Variants in DIAPH3 observed in about 807,000 individuals in gnomAD.
DIAPH3 encodes protein diaphanous homolog 3.
A neutral mutation model predicts 144.3 loss-of-function variants in DIAPH3; 117 were observed. The observed-to-expected ratio is 0.81, with a 90% CI of 0.70 to 0.95. The LOEUF is 0.95. DIAPH3 is among the 40% of genes least tolerant of loss of function. The probability of loss-of-function intolerance (pLI) is 0.00; values close to 1 mark genes in which losing one functional copy is unlikely to be tolerated. For synonymous variants in DIAPH3, 519 were observed against 488.9 expected, an observed-to-expected ratio of 1.06 and a Z score of -0.81; for missense variants, 1,421 against 1,412.7, an observed-to-expected ratio of 1.01 and a Z score of -0.09.
intron 2 of DIAPH3, among the ~76,000 whole-genome samples, chr13:60,117,099 C>T (rs1424328960): frequency 6.6e-6 from 1 of 151,970 alleles, no homozygotes; most frequent in Non-Finnish European, 1.5e-5. Context: ...TAAAACTGTA[C>T]TTGTATCAAT....
chr13:59,980,969 A>G, intron 13 of DIAPH3, 110 bp from the exon 14 acceptor site: 1 of 820,372 alleles, frequency 1.2e-6, no homozygotes, highest in East Asian at 2.6e-5. Context: ...TACTGATACT[A>G]CCAGTAATAA....
At position 60,135,776 on chromosome 13, in the gene DIAPH3, G is replaced by A. The variant is rs568235150; in HGVS notation, c.181-2787C>T. Among the ~76,000 whole-genome samples, 188 of 152,244 alleles carry A rather than the reference G, an allele frequency of 1.2e-3. 2 individuals carry two copies. The highest frequency in any genetic ancestry group is 2.2e-3 in the Non-Finnish European group (149 of 68,008). ...AGATTACATAGTTATGTACACACAT[G>A]CAATCTTAAACCACTAAAGATAGGC... On this transcript the variant is annotated intron_variant, in intron 1 of 27. Transcript: ENST00000400324.
At chr13:59,932,900 C>CA (rs1305679333) in intron 17 of DIAPH3, among the ~76,000 whole-genome samples, 1 of 152,050 alleles carries the variant, frequency 6.6e-6, no homozygotes, top group Non-Finnish European at 1.5e-5. Flanking sequence ...GTCTATTATA[C>CA]AAAAAGATTG....
chr13:59,720,900 A>C (rs1314809108), intron 27 of DIAPH3, among the ~76,000 whole-genome samples: 8 of 152,164 alleles, frequency 5.3e-5, no homozygotes, highest in Non-Finnish European at 1.2e-4. Context: ...ATAATCCCCA[A>C]GTGAAAGTTT....
chr13:59,863,178 A>C (rs902242481), intron 21 of DIAPH3, among the ~76,000 whole-genome samples: 3 of 152,154 alleles, frequency 2.0e-5, no homozygotes, highest in African/African-American at 7.2e-5. Context: ...GTTGGGATAG[A>C]AAGTATTGGC....
intron 4 of DIAPH3, among the ~76,000 whole-genome samples, chr13:60,075,047 C>G (rs995198891): frequency 6.6e-6 from 1 of 152,116 alleles, no homozygotes; most frequent in Non-Finnish European, 1.5e-5. Flanking sequence ...TTGATAGATA[C>G]TGACAAATTA....
chr13:59,777,735 A>C (rs1031040161), intron 25 of DIAPH3, among the ~76,000 whole-genome samples: 12 of 152,192 alleles, frequency 7.9e-5, no homozygotes, highest in African/African-American at 2.9e-4. Context: ...AGTAAGGGAC[A>C]TTCTGTGACA....
At chr13:60,120,828 A>C (rs2058826961) in intron 2 of DIAPH3, among the ~76,000 whole-genome samples, 2 of 152,208 alleles carry the variant, frequency 1.3e-5, no homozygotes, top group South Asian at 4.1e-4. Context: ...AATCTCATGA[A>C]AGACCTCAAA....
At chr13:59,896,032 C>T (rs1391307584) in intron 20 of DIAPH3, among the ~76,000 whole-genome samples, 1 of 152,106 alleles carries the variant, frequency 6.6e-6, no homozygotes, top group African/African-American at 2.4e-5. Flanking sequence ...AATTCTTTGC[C>T]AATATATCAA....
chr13:59,852,099 CT>C (rs2043009437), intron 22 of DIAPH3, among the ~76,000 whole-genome samples: 1 of 152,140 alleles, frequency 6.6e-6, no homozygotes, highest in Non-Finnish European at 1.5e-5. Context: ...TTAACACTAG[CT>C]CTTTTTTCCA....
chr13:59,747,326 A>G (rs1486057026), intron 27 of DIAPH3, among the ~76,000 whole-genome samples: 4 of 152,174 alleles, frequency 2.6e-5, no homozygotes, highest in Non-Finnish European at 5.9e-5. Context: ...CTTTCAATAA[A>G]TATTTATGTG....
intron 27 of DIAPH3, among the ~76,000 whole-genome samples, chr13:59,756,579 T>G (rs1219182162): frequency 1.3e-5 from 2 of 151,820 alleles, no homozygotes; most frequent in Non-Finnish European, 2.9e-5. Flanking sequence ...GGAAATCTGC[T>G]AAAGTTGCTG....
intron 5 of DIAPH3, among the ~76,000 whole-genome samples, chr13:60,035,443 G>T (rs901852839): frequency 1.3e-5 from 2 of 152,164 alleles, no homozygotes; most frequent in African/African-American, 4.8e-5. Flanking sequence ...AATGGTGCTA[G>T]GTTTGGAAGG....
intron 17 of DIAPH3, among the ~76,000 whole-genome samples, chr13:59,942,199 A>G (rs1210505032): frequency 6.6e-6 from 1 of 152,206 alleles, no homozygotes. Flanking sequence ...ACCATTTGGA[A>G]TAATTAACTA....
chr13:60,136,103 GACTA>G (rs764725417), intron 1 of DIAPH3, among the ~76,000 whole-genome samples: 1 of 152,154 alleles, frequency 6.6e-6, no homozygotes, highest in Non-Finnish European at 1.5e-5. Flanking sequence ...GGAAGAAAAT[GACTA>G]ACTAAATCCT....
chr13:59,923,027 G>C (rs2047590165), intron 18 of DIAPH3, among the ~76,000 whole-genome samples: 2 of 152,050 alleles, frequency 1.3e-5, no homozygotes, highest in South Asian at 4.1e-4. Context: ...GAAGATTAAA[G>C]GGCCAAATAC....
intron 5 of DIAPH3, among the ~76,000 whole-genome samples, chr13:60,032,014 C>T (rs762500665): frequency 9.2e-5 from 14 of 152,012 alleles, no homozygotes; most frequent in Admixed American, 2.0e-4. Flanking sequence ...CGTGAGTCAC[C>T]GCACCTGGCC....
intron 2 of DIAPH3, among the ~76,000 whole-genome samples, chr13:60,131,232 C>G (rs532382548): frequency 1.8e-3 from 267 of 151,764 alleles, no homozygotes; most frequent in African/African-American, 6.0e-3. Context: ...AGTTTAAACC[C>G]AGCCTGGGCA....
intron 2 of DIAPH3, among the ~76,000 whole-genome samples, chr13:60,125,394 ATTTTTT>A (rs56267083): frequency 1.0e-5 from 1 of 97,864 alleles, no homozygotes; most frequent in Non-Finnish European, 2.0e-5. Flanking sequence ...CACCCAGCTA[ATTTTTT>A]TTTTTTTTTT....
Sources: allele counts gnomAD v4.1 joint callset (sites outside exome capture counted in the v4.1 genomes callset), GRCh38; gene constraint gnomAD v4.1.1; transcripts MANE v1.5; gene names NCBI Gene and HGNC (gene_info 2026-07-23, HGNC 2026-07-21).